Variants in EML6 observed in about 807,000 individuals in gnomAD.
EML6 encodes the protein echinoderm microtubule-associated protein-like 6.
Under a neutral mutation model 240.1 loss-of-function variants are expected in EML6, and 154 were observed. The ratio of observed to expected loss-of-function variants is 0.64; its 90% confidence interval spans 0.56 to 0.73. The LOEUF is 0.73. EML6 is among the 30% of genes least tolerant of loss of function. The probability of loss-of-function intolerance (pLI) is 0.00; values close to 1 mark genes in which losing one functional copy is unlikely to be tolerated. For missense variants in EML6, 2,964 were observed against 2,474.6 expected (o/e 1.20, Z -4.20); for synonymous variants, 1,148 against 899.0 (o/e 1.28, Z -4.95).
At chr2:54,818,173 G>T (rs951233637) in intron 4 of EML6, among the ~76,000 whole-genome samples, 6 of 152,028 alleles carry the variant, frequency 3.9e-5, no homozygotes, top group Non-Finnish European at 8.8e-5. Flanking sequence ...GAAAACTAAA[G>T]TTACAAACAG....
At chr2:54,943,498 C>T (rs925589076) in intron 28 of EML6, among the ~76,000 whole-genome samples, 5 of 152,202 alleles carry the variant, frequency 3.3e-5, no homozygotes, top group Non-Finnish European at 7.3e-5. Flanking sequence ...CGTCACCTTC[C>T]TTCCAACCTT....
chr2:54,946,528 A>G (rs1216864685), intron 28 of EML6, among the ~76,000 whole-genome samples: 1 of 151,980 alleles, frequency 6.6e-6, no homozygotes, highest in African/African-American at 2.4e-5. Flanking sequence ...AAACTGTTAA[A>G]CCTCCAGTGT....
chr2:54,913,071 GT>G (rs1216432893), intron 25 of EML6, among the ~76,000 whole-genome samples: 1,353 of 125,706 alleles, frequency 0.011, 14 homozygotes, highest in African/African-American at 0.03. Context: ...GCCAGATTCT[GT>G]TTTTTTTTTT....
At position 54,725,314 on chromosome 2, in the gene EML6, G is replaced by A. The variant is rs1682862757; in HGVS notation, c.197+56G>A. The A allele has an allele frequency of 5.3e-6, 7 of 1,319,310 alleles. No individual in the cohort carries two copies. The highest frequency in any genetic ancestry group is 7.0e-6 in the Non-Finnish European group (7 of 1,003,164). The allele number at this position is 1,319,310 out of a possible 1,614,324, so 81.7% of individuals were successfully genotyped here. A position where few individuals can be genotyped will look rare whatever the true frequency, so the allele number is the denominator to read the frequency against. On this transcript the variant is annotated intron_variant, in intron 2 of 41. Transcript: ENST00000356458. This position sits in a 1 kb window ranked among gnomAD's most constrained non-coding sequence, Gnocchi z 4.3. ...GGTTGCGTGTGGAGGCTGGGAAGGT[G>A]GGAAGCGGTTGACCTGGGGTCGGAT...
Position 54,812,077 on chromosome 2 carries a change from T to C in EML6, c.198-1155T>C, listed in dbSNP as rs1156813760. ...GGCATGTTTATGTTGGTTATAGATA[T>C]ATAATGCTGATTACACAAAAGACAA... is the stretch of plus-strand genomic sequence containing the variant. On this transcript the variant is annotated intron_variant, in intron 2 of 41. Transcript: ENST00000356458. Among the ~76,000 whole-genome samples the C allele has an allele frequency of 5.3e-5, 8 of 152,346 alleles. No homozygotes were observed. In the South Asian group the frequency reaches 1.0e-3, roughly 20 times the overall value.
intron 11 of EML6, among the ~76,000 whole-genome samples, chr2:54,856,875 A>C (rs985889170): frequency 6.6e-6 from 1 of 152,170 alleles, no homozygotes; most frequent in African/African-American, 2.4e-5. Flanking sequence ...CAAGTAGAGA[A>C]GTTATTGCAG....
intron 13 of EML6, among the ~76,000 whole-genome samples, chr2:54,864,137 T>C (rs1266872529): frequency 1.3e-5 from 2 of 152,214 alleles, no homozygotes; most frequent in Admixed American, 6.5e-5. Flanking sequence ...ATTTGGGCTT[T>C]TTGCCTCCCT....
chr2:54,786,185 T>C (rs1224384510), intron 2 of EML6, among the ~76,000 whole-genome samples: 2 of 152,116 alleles, frequency 1.3e-5, no homozygotes, highest in Non-Finnish European at 2.9e-5. Context: ...CTGTGGCTCC[T>C]ATGCTTATTC....
At chr2:54,769,825 G>A (rs373133845) in intron 2 of EML6, among the ~76,000 whole-genome samples, 50 of 152,156 alleles carry the variant, frequency 3.3e-4, no homozygotes, top group Admixed American at 2.7e-3. Flanking sequence ...CAGTAGATCC[G>A]TAGGACTTGT....
In EML6 at chr2:54,866,897, T is replaced by C. The variant is rs1238572877; in HGVS notation, c.2051+13T>C. ...AGTTCATACACGGGTGGGTGGCCTGTCATGGGCGCCCGTATGTGTTCCTCT... is the reference window on the plus strand; with the variant it reads ...AGTTCATACACGGGTGGGTGGCCTGCCATGGGCGCCCGTATGTGTTCCTCT... On this transcript the variant is annotated intron_variant, in intron 14 of 41. Coordinates refer to ENST00000356458, the MANE Select transcript of EML6 (RefSeq NM_001039753.4). 5.4e-6 allele frequency: 8 copies of C among 1,473,792 alleles called. No homozygotes were observed. The highest frequency in any genetic ancestry group is 2.0e-5 in the Admixed American group (1 of 50,758). 91.3% of individuals were successfully genotyped at this position (1,473,792 alleles called of 1,614,324 possible).
intron 17 of EML6, among the ~76,000 whole-genome samples, chr2:54,883,049 T>G: frequency 8.9e-6 from 1 of 112,792 alleles, no homozygotes; most frequent in East Asian, 3.2e-4. Flanking sequence ...TTTTTCACTT[T>G]GTTTTTTAAA....
In EML6 at chr2:54,968,204, CA is replaced by C; in HGVS notation, c.5675del (p.His1892ProfsTer4). ...TGATGTCAACTGCGCATGTGTGACC[CA>C]CGCTGGCCTGAACATTGTCACAGGA... ...KADVNCACVT[H>X]AGLNIVTGDD... On this transcript the variant is annotated frameshift_variant, in exon 40 of 42. Transcript: ENST00000356458. LOFTEE classifies it high-confidence loss of function. The C allele has an allele frequency of 6.4e-7, 1 of 1,551,704 alleles. No homozygotes were observed. Among genetic ancestry groups the C allele is most frequent in the Non-Finnish European group, 8.7e-7 (1 of 1,146,978 alleles).
At chr2:54,882,476 G>T (rs1332915368) in intron 17 of EML6, 2 of 151,928 alleles carry the variant, frequency 1.3e-5, no homozygotes, top group Admixed American at 1.3e-4. Flanking sequence ...TGTGACTAGG[G>T]GAACAATGAA....
intron 2 of EML6, among the ~76,000 whole-genome samples, chr2:54,795,157 G>A (rs1669692036): frequency 6.6e-6 from 1 of 152,156 alleles, no homozygotes; most frequent in African/African-American, 2.4e-5. Context: ...CTACTATAAA[G>A]AACTACCTGA....
chr2:54,848,276 CAT>C (rs1380754712), intron 9 of EML6, among the ~76,000 whole-genome samples: 3 of 152,184 alleles, frequency 2.0e-5, no homozygotes, highest in Non-Finnish European at 2.9e-5. Context: ...TCTCGACTCA[CAT>C]GTTTTGTAAT....
In EML6 at chr2:54,725,139, C is replaced by G. The variant is rs1682849528; in HGVS notation, c.78C>G (p.Asn26Lys). The G allele has an allele frequency of 6.5e-7, 1 of 1,539,452 alleles. No homozygotes were observed. The highest frequency in any genetic ancestry group is 1.4e-5 in the African/African-American group (1 of 71,678). ...GGTACCGGGGTCACCAGTGCCGCAA[C>G]AACCTGTACTACACGGCAGGCAAGG... The part of the protein sequence containing the change: ...VYGYRGHQCR[N>K]NLYYTAGKEV... The change falls in exon 2 of 42, where the codon AAC (asparagine) becomes AAG (lysine). Residue 26 changes from asparagine (N) to lysine (K), a missense_variant. Coordinates refer to ENST00000356458, the MANE Select transcript of EML6 (RefSeq NM_001039753.4). The surrounding 1 kb of genome is among the most constrained non-coding windows in gnomAD (Gnocchi z 4.3).
At chr2:54,937,168 C>G (rs1361717086) in intron 28 of EML6, among the ~76,000 whole-genome samples, 1 of 151,652 alleles carries the variant, frequency 6.6e-6, no homozygotes, top group Non-Finnish European at 1.5e-5. Flanking sequence ...ATCCCAGCTA[C>G]TTGAGAGGCT....
At chr2:54,908,464 A>G (rs1460684904) in intron 24 of EML6, among the ~76,000 whole-genome samples, 3 of 152,110 alleles carry the variant, frequency 2.0e-5, no homozygotes, top group Admixed American at 6.5e-5. Context: ...ATAATAACAG[A>G]TGAGTTTATT....
intron 9 of EML6, among the ~76,000 whole-genome samples, chr2:54,849,506 T>G (rs1053504851): frequency 6.6e-6 from 1 of 152,266 alleles, no homozygotes; most frequent in Non-Finnish European, 1.5e-5. Flanking sequence ...CCATAAATTT[T>G]AAGACGGAGT....
Sources: allele counts gnomAD v4.1 joint callset (sites outside exome capture counted in the v4.1 genomes callset), GRCh38; gene constraint gnomAD v4.1.1; non-coding constraint Gnocchi (gnomAD v3.1); transcripts MANE v1.5; gene names NCBI Gene and HGNC (gene_info 2026-07-23, HGNC 2026-07-21).